The following ABCE1 variants were observed in gnomAD, a reference collection of about 807,000 sequenced individuals.
The protein encoded by ABCE1 is ATP-binding cassette sub-family E member 1.
Under a neutral mutation model 83.4 loss-of-function variants are expected in ABCE1, and 22 were observed. The observed-to-expected ratio is 0.26, with a 90% CI of 0.19 to 0.38. The LOEUF (loss-of-function observed/expected upper bound fraction) is 0.38, where lower values mean the gene tolerates loss of function less well. Ranked by LOEUF, ABCE1 falls within the 10% of genes least tolerant of loss-of-function variation. The pLI is 1.00. For missense variants in ABCE1, 330 were observed against 721.9 expected, an observed-to-expected ratio of 0.46 and a Z score of 6.22; for synonymous variants, 204 against 233.7, an observed-to-expected ratio of 0.87 and a Z score of 1.16.
In ABCE1 at chr4:145,123,095, G is replaced by A. The variant is rs1237041003; in HGVS notation, c.1338G>A (p.Met446Ile). Reference sequence around the variant, plus strand: ...ACCCACAATTTGTGACCGATGTAATGAAGCCTCTGCAAATTGAAAACATCA... The same window carrying A: ...ACCCACAATTTGTGACCGATGTAATAAAGCCTCTGCAAATTGAAAACATCA... ...YTHPQFVTDV[M>I]KPLQIENIID... The change falls in exon 14 of 18, where the codon ATG (methionine) becomes ATA (isoleucine). Residue 446 changes from methionine to isoleucine, a missense_variant. Met to Ile is a conservative substitution (Grantham distance 10, BLOSUM62 1). Transcript: ENST00000296577. 1 of 1,605,256 alleles carries A rather than the reference G, an allele frequency of 6.2e-7. No homozygotes were observed. Among genetic ancestry groups the A allele is most frequent in the East Asian group, 2.2e-5 (1 of 44,766 alleles).
chr4:145,111,114 T>A, intron 8 of ABCE1, 50 bp downstream of exon 8: 2 of 1,218,664 alleles, frequency 1.6e-6, no homozygotes, highest in Non-Finnish European at 2.4e-6. Context: ...TGTAGAGTTT[T>A]CAGTTGTGAT....
At chr4:145,108,925 GT>G (rs1749385999) in intron 4 of ABCE1, among the ~76,000 whole-genome samples, 1 of 152,200 alleles carries the variant, frequency 6.6e-6, no homozygotes, top group South Asian at 2.1e-4. Context: ...AATTAACAGT[GT>G]AAGTTAATCT....
intron 1 of ABCE1, among the ~76,000 whole-genome samples, chr4:145,102,639 A>G (rs527774768): frequency 6.6e-6 from 1 of 152,236 alleles, no homozygotes; most frequent in South Asian, 2.1e-4. Flanking sequence ...TTTAACCAAG[A>G]TTGTGATTTA....
At position 145,107,995 on chromosome 4, in the gene ABCE1, T is replaced by C; in HGVS notation, c.190-20T>C. ...GTCTACAAATTAATACAAAAATTAA[T>C]TCTTTACTTTAAATAACAGAAATGC... On this transcript the variant is annotated intron_variant, in intron 3 of 17. Transcript: ENST00000296577. The C allele has an allele frequency of 6.3e-7, 1 of 1,586,136 alleles. No individual in the cohort carries two copies. The highest frequency in any genetic ancestry group is 8.6e-7 in the Non-Finnish European group (1 of 1,164,664).
At position 145,129,295 on chromosome 4, in the gene ABCE1, A is replaced by G. The variant is rs1749976670; in HGVS notation, c.*1722A>G. The G allele has an allele frequency of 6.6e-6, 1 of 152,212 alleles. No homozygotes were observed. The highest frequency in any genetic ancestry group is 2.4e-5 in the African/African-American group (1 of 41,460). 9.4% of individuals were successfully genotyped at this position (152,212 alleles called of 1,614,324 possible). A position where few individuals can be genotyped will look rare whatever the true frequency, so the allele number is the denominator to read the frequency against. ...TGAAATCTTTAAAATATGTATCTTA[A>G]AATTTTACATAGCAACAGAAAGGCC... On this transcript the variant is annotated 3_prime_UTR_variant, in exon 18 of 18. Transcript: ENST00000296577.
chr4:145,110,103 G>A lies in ABCE1; in HGVS notation c.406G>A (p.Asp136Asn). 1.3e-6 allele frequency: 2 copies of A among 1,534,628 alleles called. No homozygotes were observed. Among genetic ancestry groups the A allele is most frequent in the Non-Finnish European group, 8.7e-7 (1 of 1,147,150 alleles). ...KQKPNLGKYD[D>N]PPDWQEILTY... Reference sequence around the variant, plus strand: ...TTCTGTATTTTTTTTTTTTTTTTAGGATCCTCCTGACTGGCAGGAGATTTT... The same window carrying A: ...TTCTGTATTTTTTTTTTTTTTTTAGAATCCTCCTGACTGGCAGGAGATTTT... The change falls in exon 6 of 18, where the codon GAT (aspartate) becomes AAT (asparagine). Residue 136 changes from aspartate (D) to asparagine (N), a missense_variant and splice_region_variant. Transcript: ENST00000296577.
intron 1 of ABCE1, 130 bp from the exon 2 acceptor site, chr4:145,104,256 A>G (rs1291804675): frequency 2.4e-6 from 1 of 423,768 alleles, no homozygotes. Flanking sequence ...ATTTGTCAAA[A>G]TTTATATTTT....
At chr4:145,119,823 A>C in intron 10 of ABCE1, 109 bp from the exon 11 acceptor site, 5 of 736,962 alleles carry the variant, frequency 6.8e-6, no homozygotes, top group Non-Finnish European at 1.1e-5. Flanking sequence ...CCAACATGTT[A>C]GCAAAAATCC....
chr4:145,105,457 A>G, intron 2 of ABCE1, 148 bp from the exon 3 acceptor site: 1 of 540,184 alleles, frequency 1.9e-6, no homozygotes. Flanking sequence ...GATTTAAGAC[A>G]TTATCTCAAA....
intron 17 of ABCE1, among the ~76,000 whole-genome samples, chr4:145,125,324 C>T (rs1363485390): frequency 6.6e-6 from 1 of 151,912 alleles, no homozygotes. Context: ...AAAAATTAGC[C>T]GAGTCTGGTG....
At chr4:145,116,033 C>G (rs935878757) in intron 9 of ABCE1, among the ~76,000 whole-genome samples, 21 of 151,822 alleles carry the variant, frequency 1.4e-4, no homozygotes, top group Middle Eastern at 3.2e-3. Flanking sequence ...GAAAAGTATT[C>G]CCATAGCAAG....
At position 145,121,280 on chromosome 4, in the gene ABCE1, A is replaced by G. The variant is rs1749737009; in HGVS notation, c.1204+47A>G. On this transcript the variant is annotated intron_variant, in intron 12 of 17. Coordinates refer to ENST00000296577, the MANE Select transcript of ABCE1 (RefSeq NM_002940.3). ...CTTTTTACTCTGTTTTACACAGTAA[A>G]CTTTAAAGATCTGGGCAGTTTTTAG... The G allele has an allele frequency of 1.2e-6, 2 of 1,612,458 alleles. No homozygotes were observed. The highest frequency in any genetic ancestry group is 1.7e-6 in the Non-Finnish European group (2 of 1,178,962).
chr4:145,104,763 TCAAAG>T (rs1161152301), intron 2 of ABCE1, among the ~76,000 whole-genome samples: 1 of 151,922 alleles, frequency 6.6e-6, no homozygotes, highest in Non-Finnish European at 1.5e-5. Flanking sequence ...GGATGTGAAC[TCAAAG>T]CAGAGTTCAG....
At chr4:145,108,829 G>A (rs1045298352) in intron 4 of ABCE1, among the ~76,000 whole-genome samples, 2 of 152,136 alleles carry the variant, frequency 1.3e-5, no homozygotes, top group Non-Finnish European at 2.9e-5. Context: ...GGCCTTATAT[G>A]TAAAGAAGAA....
At chr4:145,106,702 A>AT (rs1304618835) in intron 3 of ABCE1, among the ~76,000 whole-genome samples, 2 of 152,048 alleles carry the variant, frequency 1.3e-5, no homozygotes, top group African/African-American at 2.4e-5. Context: ...AACAGTGGAT[A>AT]TTTTTTTCCT....
chr4:145,114,661 C>T (rs751729755), intron 9 of ABCE1, among the ~76,000 whole-genome samples: 4 of 149,148 alleles, frequency 2.7e-5, no homozygotes, highest in Non-Finnish European at 4.5e-5. Context: ...AGATGGACCT[C>T]GGGGAAAAAA....
intron 8 of ABCE1, 39 bp from the exon 9 acceptor site, chr4:145,112,200 T>C (rs1749496554): frequency 6.9e-7 from 1 of 1,442,800 alleles, no homozygotes; most frequent in South Asian, 1.3e-5. Context: ...TGTCTTGTCT[T>C]TCAAACTTAT....
intron 13 of ABCE1, 47 bp downstream of exon 13, chr4:145,121,438 A>G (rs752631876): frequency 3.6e-5 from 49 of 1,366,248 alleles, no homozygotes; most frequent in Non-Finnish European, 5.0e-5. Flanking sequence ...TTTTGTATAT[A>G]TGCCTATAGC....
chr4:145,100,794 A>G (rs1468988996), intron 1 of ABCE1, among the ~76,000 whole-genome samples: 1 of 152,198 alleles, frequency 6.6e-6, no homozygotes, highest in Non-Finnish European at 1.5e-5. Flanking sequence ...TCACTATAAA[A>G]TATTGGTAAC....
Sources: allele counts gnomAD v4.1 joint callset (sites outside exome capture counted in the v4.1 genomes callset), GRCh38; gene constraint gnomAD v4.1.1; transcripts MANE v1.5; gene names NCBI Gene and HGNC (gene_info 2026-07-23, HGNC 2026-07-21).